TOP3A: variants seen among roughly 807,000 people sequenced by gnomAD.
TOP3A encodes DNA topoisomerase 3-alpha.
TOP3A carries 64 observed loss-of-function variants against 111.3 expected under a neutral mutation model. That is an observed-to-expected ratio of 0.57 (90% CI 0.47 to 0.71). TOP3A has a LOEUF of 0.71. Ranked by LOEUF, TOP3A falls within the 30% of genes least tolerant of loss-of-function variation. The pLI is 0.00. For missense variants in TOP3A, 1,104 were observed against 1,285.0 expected (o/e 0.86, Z 2.15); for synonymous variants, 484 against 485.1 (o/e 1.00, Z 0.03).
intron 10 of TOP3A, 110 bp from the exon 11 acceptor site, chr17:18,292,962 A>G (rs776863338): frequency 3.7e-4 from 400 of 1,069,370 alleles, no homozygotes; most frequent in Non-Finnish European, 4.9e-4. Context: ...GATGTAGCCA[A>G]CTCAACTGAA....
intron 18 of TOP3A, 24 bp from the exon 19 acceptor site, chr17:18,275,004 G>A (rs1979250041): frequency 1.1e-5 from 17 of 1,610,092 alleles, no homozygotes; most frequent in Non-Finnish European, 1.4e-5. Flanking sequence ...CAGGGGAGGG[G>A]TGAGGTTAGA....
At position 18,290,590 on chromosome 17, in the gene TOP3A, C is replaced by T. The variant is rs1234032546; in HGVS notation, c.1564G>A (p.Asp522Asn). 29 of 1,607,192 alleles carry T rather than the reference C, an allele frequency of 1.8e-5. No individual in the cohort carries two copies. Among genetic ancestry groups the T allele is most frequent in the Middle Eastern group, 1.7e-4 (1 of 6,060 alleles). The change falls in exon 13 of 19, where the codon GAC (aspartate) becomes AAC (asparagine). Residue 522 changes from aspartate to asparagine, a missense_variant. Transcript: ENST00000321105. Reference sequence around the variant, plus strand: ...TGCTTCTCCATGAGGGCAATGAGGTCGGCCTCGGTGAGCAGCTTGGGTGGG... The same window carrying T: ...TGCTTCTCCATGAGGGCAATGAGGTTGGCCTCGGTGAGCAGCTTGGGTGGG... ...TSPPKLLTEA[D>N]LIALMEKHGI...
In TOP3A at chr17:18,301,995, GGA is replaced by G. The variant is rs1449722033; in HGVS notation, c.815-12_815-11del. On this transcript the variant is annotated splice_polypyrimidine_tract_variant and intron_variant, in intron 7 of 18. Coordinates refer to ENST00000321105, the MANE Select transcript of TOP3A (RefSeq NM_004618.5). ...TTGTGGTCATGAGTTACTATATTAA[GGA>G]GAGACAAACAGAAAGGCTGTGTCTC... 6.2e-7 allele frequency: 1 copy of G among 1,610,768 alleles called. No individual in the cohort carries two copies. The highest frequency in any genetic ancestry group is 1.3e-5 in the African/African-American group (1 of 74,960).
chr17:18,291,579 T>C (rs1470270134), intron 11 of TOP3A, among the ~76,000 whole-genome samples: 1 of 152,220 alleles, frequency 6.6e-6, no homozygotes, highest in Non-Finnish European at 1.5e-5. Context: ...ATGTTAACTA[T>C]AGTATCAAAA....
intron 1 of TOP3A, among the ~76,000 whole-genome samples, chr17:18,310,063 G>A (rs1390590066): frequency 6.6e-6 from 1 of 151,986 alleles, no homozygotes; most frequent in Non-Finnish European, 1.5e-5. Context: ...CAACCCAAAT[G>A]TCCATCAACT....
At chr17:18,300,651 G>A (rs1981170656) in intron 8 of TOP3A, among the ~76,000 whole-genome samples, 1 of 151,978 alleles carries the variant, frequency 6.6e-6, no homozygotes. Flanking sequence ...AATCTGCTGG[G>A]CTCAAGCGAT....
At chr17:18,311,201 C>T in intron 1 of TOP3A, among the ~76,000 whole-genome samples, 1 of 152,082 alleles carries the variant, frequency 6.6e-6, no homozygotes, top group African/African-American at 2.4e-5. Context: ...AGGGTTTCAC[C>T]GTGTTAGCCA....
In TOP3A at chr17:18,314,756, T is replaced by C; in HGVS notation, c.23A>G (p.Tyr8Cys). Reference protein sequence around the residue: MIFPVARYALRWLRRPED... With the variant: MIFPVARCALRWLRRPED... The stretch of plus-strand genomic sequence containing the variant: ...GGGCCGTCGCAGCCACCGGAGCGCG[T>C]AGCGGGCGACAGGAAAGATCATCCT... The change falls in exon 1 of 19, where the codon TAC becomes TGC. Residue 8 changes from tyrosine (Y) to cysteine (C), a missense_variant. By Grantham distance (194) the Tyr-to-Cys change is radical. Coordinates refer to ENST00000321105, the MANE Select transcript of TOP3A (RefSeq NM_004618.5). The C allele has an allele frequency of 2.6e-6, 4 of 1,558,564 alleles. No homozygotes were observed. Among genetic ancestry groups the C allele is most frequent in the Admixed American group, 3.9e-5 (2 of 51,722 alleles).
chr17:18,299,286 C>T (rs1981069340), intron 9 of TOP3A, among the ~76,000 whole-genome samples: 1 of 152,014 alleles, frequency 6.6e-6, no homozygotes, highest in Admixed American at 6.6e-5. Context: ...AAATAATTAG[C>T]TGGTCATAGT....
intron 13 of TOP3A, among the ~76,000 whole-genome samples, chr17:18,289,641 T>C (rs1374752211): frequency 2.0e-5 from 3 of 152,050 alleles, no homozygotes; most frequent in Non-Finnish European, 2.9e-5. Context: ...GATTCACCCA[T>C]CTTGGCCTCC....
At chr17:18,313,639 T>C (rs959159538) in intron 1 of TOP3A, 3 of 151,236 alleles carry the variant, frequency 2.0e-5, no homozygotes, top group African/African-American at 7.3e-5. Flanking sequence ...GATAAGAAGT[T>C]AGGCGTAGGA....
At position 18,312,866 on chromosome 17, in the gene TOP3A, T is replaced by A. The variant is rs1164642838; in HGVS notation, c.180+1733A>T. 3 of 156,586 alleles carry A rather than the reference T, an allele frequency of 1.9e-5. No individual in the cohort carries two copies. In the East Asian group the frequency reaches 5.6e-4, roughly 29 times the overall value. 9.7% of individuals were successfully genotyped at this position (156,586 alleles called of 1,614,324 possible). A position where few individuals can be genotyped will look rare whatever the true frequency, so the allele number is the denominator to read the frequency against. Reference sequence around the variant, plus strand: ...GCACGGTGGCTCACGCCTGTAACCCTAACACTTTGGGAGGCTAAGGCGGGT... The same window carrying A: ...GCACGGTGGCTCACGCCTGTAACCCAAACACTTTGGGAGGCTAAGGCGGGT... On this transcript the variant is annotated intron_variant, in intron 1 of 18. Transcript: ENST00000321105.
intron 5 of TOP3A, among the ~76,000 whole-genome samples, chr17:18,304,609 A>G (rs1467169542): frequency 1.3e-5 from 2 of 152,234 alleles, no homozygotes; most frequent in Non-Finnish European, 2.9e-5. Flanking sequence ...AGAGATTAAA[A>G]AAGAAAACAG....
At position 18,271,671 on chromosome 17, in the gene TOP3A, T is replaced by TCACAGCACAGACACACA. The variant is rs141885577; in HGVS notation, c.*3130_*3131insTGTGTGTCTGTGCTGTG. 7,378 of 349,888 alleles carry TCACAGCACAGACACACA rather than the reference T, an allele frequency of 0.021. 387 individuals carry two copies. The highest frequency in any genetic ancestry group is 0.13 in the African/African-American group (5,769 of 44,028). 21.7% of individuals were successfully genotyped at this position (349,888 alleles called of 1,614,324 possible). ...GCAGTTTGCTTTTGAGACACACAGT[T>TCACAGCACAGACACACA]GCCTGCAGAGATGTGAAAACCACAA... On this transcript the variant is annotated 3_prime_UTR_variant, in exon 19 of 19. Coordinates refer to ENST00000321105, the MANE Select transcript of TOP3A (RefSeq NM_004618.5).
intron 4 of TOP3A, among the ~76,000 whole-genome samples, chr17:18,306,004 C>A (rs2142988923): frequency 6.6e-6 from 1 of 151,638 alleles, no homozygotes; most frequent in South Asian, 2.1e-4. Context: ...GAGTTCGAGA[C>A]CAGCCTGGCC....
intron 9 of TOP3A, among the ~76,000 whole-genome samples, chr17:18,297,848 A>G (rs1210107564): frequency 1.3e-5 from 2 of 151,244 alleles, no homozygotes; most frequent in African/African-American, 4.9e-5. Context: ...CCGCCACCCC[A>G]TCTGGGAAGT....
intron 1 of TOP3A, among the ~76,000 whole-genome samples, chr17:18,310,856 T>A (rs1052120504): frequency 6.6e-6 from 1 of 152,190 alleles, no homozygotes; most frequent in Non-Finnish European, 1.5e-5. Flanking sequence ...AACTCATCGG[T>A]GTCTCTTCCC....
At position 18,274,968 on chromosome 17, in the gene TOP3A, G is replaced by A. The variant is rs776955624; in HGVS notation, c.2840C>T (p.Ala947Val). 6.2e-7 allele frequency: 1 copy of A among 1,613,492 alleles called. No homozygotes were observed. Among genetic ancestry groups the A allele is most frequent in the Non-Finnish European group, 8.5e-7 (1 of 1,179,846 alleles). ...TCCTCTGTCTCCTGTCCAGGACGGG[G>A]CTCCAGAAGTCCCTGTCGGGAGAGT... ...DENTAPGTSG[A>V]PSWTGDRGRT... The change falls in exon 19 of 19, where the codon GCC becomes GTC. Residue 947 changes from alanine (A) to valine (V), a missense_variant. Ala to Val is a moderately conservative substitution (Grantham distance 64). Coordinates refer to ENST00000321105, the MANE Select transcript of TOP3A (RefSeq NM_004618.5).
intron 9 of TOP3A, among the ~76,000 whole-genome samples, chr17:18,296,455 CTATAG>C (rs1181810106): frequency 6.6e-6 from 1 of 152,088 alleles, no homozygotes; most frequent in Non-Finnish European, 1.5e-5. Flanking sequence ...TGGCGCGCAC[CTATAG>C]TCCCAGCTAC....
Sources: allele counts gnomAD v4.1 joint callset (sites outside exome capture counted in the v4.1 genomes callset), GRCh38; gene constraint gnomAD v4.1.1; transcripts MANE v1.5; gene names NCBI Gene and HGNC (gene_info 2026-07-23, HGNC 2026-07-21).